The following HIBADH variants were observed in gnomAD, a reference collection of about 807,000 sequenced individuals.
The protein encoded by HIBADH is 3-hydroxyisobutyrate dehydrogenase.
In HIBADH, 25 loss-of-function variants were observed where a neutral mutation model predicts 36.1. The ratio of observed to expected loss-of-function variants is 0.69; its 90% CI spans 0.50 to 0.97. The LOEUF (loss-of-function observed/expected upper bound fraction) is 0.97, where lower values mean the gene tolerates loss of function less well. Ranked by LOEUF, HIBADH falls within the 50% of genes least tolerant of loss-of-function variation. The pLI, the probability that HIBADH is intolerant of heterozygous loss-of-function variation, is 0.00. For synonymous variants in HIBADH, 160 were observed against 149.5 expected, an observed-to-expected ratio of 1.07 and a Z score of -0.51; for missense variants, 421 against 418.0, an observed-to-expected ratio of 1.01 and a Z score of -0.06.
At chr7:27,653,482 TG>T (rs1337867622) in intron 1 of HIBADH, among the ~76,000 whole-genome samples, 1 of 152,166 alleles carries the variant, frequency 6.6e-6, no homozygotes, top group African/African-American at 2.4e-5. Context: ...ACGCCTGTAA[TG>T]CCAGCACTTT....
chr7:27,551,164 C>T (rs1784313513), intron 4 of HIBADH, among the ~76,000 whole-genome samples: 1 of 145,578 alleles, frequency 6.9e-6, no homozygotes, highest in Admixed American at 7.0e-5. Flanking sequence ...TGATTCTTTA[C>T]ATGTGGTAAT....
At chr7:27,559,295 G>C (rs1784433931) in intron 4 of HIBADH, among the ~76,000 whole-genome samples, 1 of 151,938 alleles carries the variant, frequency 6.6e-6, no homozygotes, top group African/African-American at 2.4e-5. Context: ...ATGAATTTTG[G>C]GAGCCCACAA....
intron 4 of HIBADH, among the ~76,000 whole-genome samples, chr7:27,590,837 G>A (rs1405405449): frequency 6.6e-6 from 1 of 152,188 alleles, no homozygotes; most frequent in Non-Finnish European, 1.5e-5. Flanking sequence ...TACCATTTAA[G>A]AAGATACTAC....
At chr7:27,574,180 T>A (rs1562626929) in intron 4 of HIBADH, among the ~76,000 whole-genome samples, 1 of 140,954 alleles carries the variant, frequency 7.1e-6, no homozygotes, top group African/African-American at 2.7e-5. Context: ...GTGATGGAAA[T>A]ACAGAGTTAG....
intron 2 of HIBADH, among the ~76,000 whole-genome samples, chr7:27,633,160 C>T (rs928371030): frequency 1.3e-5 from 2 of 152,144 alleles, no homozygotes; most frequent in African/African-American, 2.4e-5. Context: ...ATAATGACCA[C>T]GAACATACTG....
intron 1 of HIBADH, among the ~76,000 whole-genome samples, chr7:27,653,782 G>A (rs534344908): frequency 8.9e-4 from 135 of 152,060 alleles, no homozygotes; most frequent in Non-Finnish European, 1.6e-3. Context: ...GTGATAGGAT[G>A]AGAAAAAAGA....
At chr7:27,546,847 G>A (rs531511347) in intron 4 of HIBADH, among the ~76,000 whole-genome samples, 1 of 152,278 alleles carries the variant, frequency 6.6e-6, no homozygotes, top group Admixed American at 6.5e-5. Flanking sequence ...TTCTCTCACT[G>A]TCCATCCCTA....
At chr7:27,598,547 G>C (rs564216227) in intron 4 of HIBADH, among the ~76,000 whole-genome samples, 1 of 152,178 alleles carries the variant, frequency 6.6e-6, no homozygotes, top group South Asian at 2.1e-4. Flanking sequence ...TGAATACTAT[G>C]ATTCCATTTT....
intron 1 of HIBADH, among the ~76,000 whole-genome samples, chr7:27,651,819 A>C (rs1456596737): frequency 6.6e-6 from 1 of 152,174 alleles, no homozygotes; most frequent in East Asian, 1.9e-4. Flanking sequence ...ATGTACATAA[A>C]CACTAACATA....
At chr7:27,657,454 T>C (rs1265322804) in intron 1 of HIBADH, among the ~76,000 whole-genome samples, 1 of 152,098 alleles carries the variant, frequency 6.6e-6, no homozygotes, top group Non-Finnish European at 1.5e-5. Context: ...GGAGGTTAAA[T>C]CAACCAGAGA....
chr7:27,595,579 GGTGTGT>G (rs3219776), intron 4 of HIBADH, among the ~76,000 whole-genome samples: 5,160 of 143,320 alleles, frequency 0.036, 96 homozygotes, highest in African/African-American at 0.048. Flanking sequence ...CATAAGGGCA[GGTGTGT>G]GTGTGTGTGT....
At chr7:27,576,117 G>A (rs1468617670) in intron 4 of HIBADH, among the ~76,000 whole-genome samples, 1 of 152,236 alleles carries the variant, frequency 6.6e-6, no homozygotes, top group East Asian at 1.9e-4. Flanking sequence ...CAGAGAAAGG[G>A]ATGGGAGCAA....
chr7:27,564,771 T>TAC (rs1412524768), intron 4 of HIBADH, among the ~76,000 whole-genome samples: 1 of 152,256 alleles, frequency 6.6e-6, no homozygotes, highest in Non-Finnish European at 1.5e-5. Context: ...ATGAACACAG[T>TAC]ACACTTCATT....
chr7:27,623,443 G>A (rs1021924444), intron 4 of HIBADH, among the ~76,000 whole-genome samples: 11 of 152,154 alleles, frequency 7.2e-5, no homozygotes, highest in African/African-American at 2.4e-4. Flanking sequence ...CATCAAAATC[G>A]GAATAAAGGA....
At chr7:27,648,951 T>C (rs1019750428) in intron 2 of HIBADH, among the ~76,000 whole-genome samples, 1 of 152,218 alleles carries the variant, frequency 6.6e-6, no homozygotes, top group Non-Finnish European at 1.5e-5. Context: ...TCACATACAT[T>C]CTCTCATTTG....
intron 4 of HIBADH, among the ~76,000 whole-genome samples, chr7:27,568,061 C>A (rs1203115622): frequency 6.6e-6 from 1 of 152,150 alleles, no homozygotes; most frequent in Non-Finnish European, 1.5e-5. Context: ...TTAATCACAA[C>A]CATCACACAT....
chr7:27,660,464 C>A (rs900533575), intron 1 of HIBADH, among the ~76,000 whole-genome samples: 2 of 152,214 alleles, frequency 1.3e-5, no homozygotes, highest in Admixed American at 6.5e-5. Context: ...GTGATAGAGA[C>A]CATCCTGGCT....
intron 4 of HIBADH, among the ~76,000 whole-genome samples, chr7:27,612,999 GATAT>G (rs922307090): frequency 3.1e-5 from 4 of 127,090 alleles, no homozygotes; most frequent in Admixed American, 8.7e-5. Flanking sequence ...ATATATATAG[GATAT>G]ATATATCCAA....
intron 4 of HIBADH, among the ~76,000 whole-genome samples, chr7:27,577,983 TA>T (rs1784738436): frequency 6.6e-6 from 1 of 152,218 alleles, no homozygotes. Context: ...TCAACCTGAT[TA>T]ATCTAAACAC....
Sources: allele counts gnomAD v4.1 joint callset (sites outside exome capture counted in the v4.1 genomes callset), GRCh38; gene constraint gnomAD v4.1.1; transcripts MANE v1.5; gene names NCBI Gene and HGNC (gene_info 2026-07-23, HGNC 2026-07-21).